DCAF6: variants seen among roughly 807,000 people sequenced by gnomAD.
DCAF6 encodes the protein DDB1 and CUL4 associated factor 6.
DCAF6 carries 54 observed loss-of-function variants against 125.1 expected under a neutral mutation model. The ratio of observed to expected loss-of-function variants is 0.43; its 90% CI spans 0.35 to 0.54. DCAF6 has a LOEUF of 0.54. DCAF6 is among the 20% of genes least tolerant of loss of function. DCAF6 has a pLI of 0.01. For missense variants in DCAF6, 934 were observed against 1,161.7 expected (o/e 0.80, Z 2.85); for synonymous variants, 371 against 390.4 (o/e 0.95, Z 0.58).
At chr1:168,037,728 TAAAC>T (rs966339146) in intron 12 of DCAF6, among the ~76,000 whole-genome samples, 9 of 152,178 alleles carry the variant, frequency 5.9e-5, no homozygotes, top group South Asian at 2.1e-4. Flanking sequence ...TTTCCACAAT[TAAAC>T]AAATTCCTTG....
the DCAF6 span, among the ~76,000 whole-genome samples, chr1:167,927,169 T>G: frequency 6.6e-6 from 1 of 152,228 alleles, no homozygotes; most frequent in South Asian, 2.1e-4. Flanking sequence ...CACTGCTTCA[T>G]CCTCAAGGCT....
rs1185233605 is a variant in DCAF6 at position 167,936,889 on chromosome 1, T to G, written c.-23T>G. On this transcript the variant is annotated 5_prime_UTR_variant, in exon 1 of 22. Coordinates refer to ENST00000367840, the MANE Select transcript of DCAF6 (RefSeq NM_001198956.2). ...CCCTCCCCCACGCGGTGGTCTCCCC[T>G]CCCACCCGGCTCAGGCAGAGCCATG... The G allele has an allele frequency of 1.2e-5, 14 of 1,183,586 alleles. No homozygotes were observed. Among genetic ancestry groups the G allele is most frequent in the Non-Finnish European group, 1.5e-5 (13 of 841,378 alleles). 73.3% of individuals were successfully genotyped at this position (1,183,586 alleles called of 1,614,324 possible).
chr1:167,880,096 A>G, the DCAF6 span: 1 of 1,606,252 alleles, frequency 6.2e-7, no homozygotes, highest in Non-Finnish European at 8.5e-7. Flanking sequence ...AAAGCTGGAG[A>G]TGAGCTGACC....
At chr1:167,904,727 A>C in the DCAF6 span, 2 of 610,610 alleles carry the variant, frequency 3.3e-6, no homozygotes, top group Non-Finnish European at 5.8e-6. Flanking sequence ...GAGTCAGTGA[A>C]GTTGGGGCAG....
intron 16 of DCAF6, among the ~76,000 whole-genome samples, chr1:168,049,459 G>A (rs1340999866): frequency 2.4e-5 from 3 of 127,656 alleles, no homozygotes; most frequent in African/African-American, 2.9e-5. Flanking sequence ...TTTTAGAAGA[G>A]ACAGTCTCAC....
intron 19 of DCAF6, 71 bp from the exon 20 acceptor site, chr1:168,066,306 A>G: frequency 2.1e-6 from 2 of 930,358 alleles, no homozygotes; most frequent in Non-Finnish European, 3.3e-6. Flanking sequence ...ATATACATAT[A>G]TGCATAATAT....
At chr1:167,911,161 G>C in the DCAF6 span, among the ~76,000 whole-genome samples, 1 of 152,264 alleles carries the variant, frequency 6.6e-6, no homozygotes, top group Non-Finnish European at 1.5e-5. Context: ...GTTCAAACTG[G>C]GCAGTTTTAG....
At chr1:168,035,686 A>G (rs1687713505) in intron 12 of DCAF6, among the ~76,000 whole-genome samples, 1 of 143,788 alleles carries the variant, frequency 7.0e-6, no homozygotes, top group Non-Finnish European at 1.5e-5. Context: ...ATCAACTATA[A>G]TCAATCATTT....
At chr1:168,069,493 CT>C (rs991623756) in intron 21 of DCAF6, among the ~76,000 whole-genome samples, 3 of 152,164 alleles carry the variant, frequency 2.0e-5, no homozygotes, top group Admixed American at 6.5e-5. Context: ...TAACTTCTTA[CT>C]GTAAGAACTG....
At chr1:167,951,473 G>A (rs1673928854) in intron 1 of DCAF6, among the ~76,000 whole-genome samples, 1 of 152,214 alleles carries the variant, frequency 6.6e-6, no homozygotes, top group Non-Finnish European at 1.5e-5. Context: ...CACTTGGGAA[G>A]CTGAGGAAGG....
At chr1:168,023,285 C>T (rs1214479207) in intron 12 of DCAF6, 6 of 557,046 alleles carry the variant, frequency 1.1e-5, no homozygotes, top group Middle Eastern at 4.6e-4. Flanking sequence ...TTTGAACTCT[C>T]TCCCTATAAC....
chr1:168,032,343 C>T (rs1445074995), intron 12 of DCAF6, among the ~76,000 whole-genome samples: 1 of 152,186 alleles, frequency 6.6e-6, no homozygotes, highest in Non-Finnish European at 1.5e-5. Flanking sequence ...CTCCTAGAAG[C>T]AGCATCTCCA....
At chr1:167,870,995 A>G in the DCAF6 span, among the ~76,000 whole-genome samples, 1 of 152,174 alleles carries the variant, frequency 6.6e-6, no homozygotes, top group African/African-American at 2.4e-5. Flanking sequence ...GTTTAATTAT[A>G]GTGTAGAAAA....
At chr1:168,040,263 A>G (rs558401541) in intron 13 of DCAF6, among the ~76,000 whole-genome samples, 55 of 152,052 alleles carry the variant, frequency 3.6e-4, no homozygotes, top group Middle Eastern at 3.2e-3. Flanking sequence ...AAGGATCTTA[A>G]GAAGACCAGT....
chr1:168,051,256 T>G (rs1204487477), intron 17 of DCAF6, among the ~76,000 whole-genome samples: 1 of 152,148 alleles, frequency 6.6e-6, no homozygotes, highest in Non-Finnish European at 1.5e-5. Context: ...AAGAATGCAA[T>G]TTATGTTTTT....
chr1:167,929,978 T>C, the DCAF6 span, among the ~76,000 whole-genome samples: 4 of 152,312 alleles, frequency 2.6e-5, 1 homozygote, highest in Admixed American at 1.3e-4. Context: ...TTTGCTATCA[T>C]GTGACAAACT....
At chr1:167,870,532 C>G in the DCAF6 span, 1 of 857,370 alleles carries the variant, frequency 1.2e-6, no homozygotes, top group East Asian at 2.8e-5. Context: ...GTGGCTCACT[C>G]CTGTAATCCC....
intron 16 of DCAF6, 117 bp from the exon 17 acceptor site, chr1:168,050,775 A>C (rs1689809970): frequency 1.9e-6 from 1 of 529,028 alleles, no homozygotes; most frequent in Non-Finnish European, 3.0e-6. Context: ...AAAGGGAAAC[A>C]AAAGTTTTTT....
chr1:168,033,509 G>A (rs1316696604), intron 12 of DCAF6, among the ~76,000 whole-genome samples: 1 of 151,764 alleles, frequency 6.6e-6, no homozygotes, highest in African/African-American at 2.4e-5. Flanking sequence ...AGTAGAGACG[G>A]GGTTTCACCT....
Sources: allele counts gnomAD v4.1 joint callset (sites outside exome capture counted in the v4.1 genomes callset), GRCh38; gene constraint gnomAD v4.1.1; transcripts MANE v1.5; gene names NCBI Gene and HGNC (gene_info 2026-07-23, HGNC 2026-07-21).